GLIS1: variants seen among roughly 807,000 people sequenced by gnomAD.
The protein encoded by GLIS1 is GLIS family zinc finger 1, also known as zinc finger protein GLIS1.
Under a neutral mutation model 63.8 loss-of-function variants are expected in GLIS1, and 24 were observed. That is an observed-to-expected ratio of 0.38 (90% CI 0.27 to 0.53). The LOEUF (loss-of-function observed/expected upper bound fraction) is 0.53, where lower values mean the gene tolerates loss of function less well. Ranked by LOEUF, GLIS1 falls within the 20% of genes least tolerant of loss-of-function variation. The pLI is 0.85. For synonymous variants in GLIS1, 450 were observed against 482.5 expected, an observed-to-expected ratio of 0.93 and a Z score of 0.88; for missense variants, 1,036 against 1,074.1, an observed-to-expected ratio of 0.96 and a Z score of 0.50.
At chr1:53,588,961 A>G (rs1299218364) in intron 4 of GLIS1, among the ~76,000 whole-genome samples, 1 of 152,214 alleles carries the variant, frequency 6.6e-6, no homozygotes, top group Non-Finnish European at 1.5e-5. Flanking sequence ...CCCTCAGGAT[A>G]TCCCATGGGA....
At chr1:53,658,416 C>T (rs148268854) in intron 2 of GLIS1, among the ~76,000 whole-genome samples, 2 of 152,300 alleles carry the variant, frequency 1.3e-5, no homozygotes, top group East Asian at 3.9e-4. Flanking sequence ...AATGAAATAA[C>T]AAATGCATGA....
At chr1:53,724,911 GAGGA>G (rs1377604337) in intron 2 of GLIS1, among the ~76,000 whole-genome samples, 2 of 152,172 alleles carry the variant, frequency 1.3e-5, no homozygotes, top group African/African-American at 4.8e-5. Flanking sequence ...GAAAAAAAAT[GAGGA>G]GGAGAAAGAG....
intron 4 of GLIS1, among the ~76,000 whole-genome samples, chr1:53,575,065 T>C (rs1190771102): frequency 1.3e-5 from 2 of 152,176 alleles, no homozygotes; most frequent in African/African-American, 4.8e-5. Context: ...CAGCAGCCTA[T>C]ATAAATCTGG....
At chr1:53,661,981 C>G (rs1370144949) in intron 2 of GLIS1, among the ~76,000 whole-genome samples, 2 of 152,276 alleles carry the variant, frequency 1.3e-5, no homozygotes, top group Admixed American at 6.5e-5. Flanking sequence ...TAGATTGGGG[C>G]TGGGGTGACA....
At chr1:53,709,184 A>C (rs569984881) in intron 2 of GLIS1, among the ~76,000 whole-genome samples, 1 of 152,158 alleles carries the variant, frequency 6.6e-6, no homozygotes, top group East Asian at 1.9e-4. Flanking sequence ...TCAGAGACGG[A>C]AGGGACTTTA....
intron 2 of GLIS1, among the ~76,000 whole-genome samples, chr1:53,679,285 TTAAAA>T (rs2100422279): frequency 6.6e-6 from 1 of 152,250 alleles, no homozygotes; most frequent in East Asian, 1.9e-4. Context: ...GGGCCTGCAA[TTAAAA>T]TAAACCCCAA....
chr1:53,520,891 C>T (rs1355955249), intron 6 of GLIS1, 125 bp from the exon 7 acceptor site: 2 of 1,040,246 alleles, frequency 1.9e-6, no homozygotes, highest in Non-Finnish European at 2.7e-6. Context: ...TTCACTGTGC[C>T]TCAGTTCCCC....
chr1:53,533,013 C>A (rs567284896), intron 4 of GLIS1, among the ~76,000 whole-genome samples: 1 of 152,262 alleles, frequency 6.6e-6, no homozygotes, highest in Non-Finnish European at 1.5e-5. Context: ...ACGCTCCACG[C>A]GTGATCTGCA....
rs183518852 is a variant in GLIS1 at position 53,623,610 on chromosome 1, C to T, written c.260-23332G>A. ...AGCATAACTCTTTAACCTCAGATAA[C>T]ATGATTGTTTACATAAAAAGTCCTA... On this transcript the variant is annotated intron_variant, in intron 2 of 10. Transcript: ENST00000628545. Among the ~76,000 whole-genome samples, 180 of 152,218 alleles carry T rather than the reference C, an allele frequency of 1.2e-3. 3 individuals carry two copies. Among genetic ancestry groups the T allele is most frequent in the African/African-American group, 3.9e-3 (163 of 41,560 alleles).
chr1:53,531,632 T>C (rs1337472167), intron 4 of GLIS1, among the ~76,000 whole-genome samples: 1 of 152,032 alleles, frequency 6.6e-6, no homozygotes, highest in Non-Finnish European at 1.5e-5. Context: ...GCCCTCTAGG[T>C]GTAGAGAGCC....
chr1:53,660,808 G>A (rs1192054639), intron 2 of GLIS1, among the ~76,000 whole-genome samples: 1 of 152,208 alleles, frequency 6.6e-6, no homozygotes, highest in Non-Finnish European at 1.5e-5. Context: ...TCAGGGCTCA[G>A]CAGGGAGGAG....
At chr1:53,606,390 G>C (rs911911279) in intron 2 of GLIS1, among the ~76,000 whole-genome samples, 17 of 152,304 alleles carry the variant, frequency 1.1e-4, no homozygotes, top group African/African-American at 3.6e-4. Flanking sequence ...CCCCAGGAGT[G>C]CTCTGCTGGG....
intron 2 of GLIS1, among the ~76,000 whole-genome samples, chr1:53,724,110 G>A (rs1208362466): frequency 6.6e-6 from 1 of 152,202 alleles, no homozygotes; most frequent in African/African-American, 2.4e-5. Context: ...ATCTCCAACA[G>A]GAGGCAGGAC....
chr1:53,542,552 A>T (rs1303886858), intron 4 of GLIS1, among the ~76,000 whole-genome samples: 1 of 152,110 alleles, frequency 6.6e-6, no homozygotes, highest in Non-Finnish European at 1.5e-5. Flanking sequence ...CTCAGCAGTC[A>T]CCTCCCAAAT....
Position 53,679,422 on chromosome 1 carries a change from C to G in GLIS1, c.259+58384G>C, listed in dbSNP as rs563902364. ...AGTAGGAGGGAGACCAGATGTGAGGCTGAACGTCTGACCTGAAGCATCTGC... is the reference window on the plus strand; with the variant it reads ...AGTAGGAGGGAGACCAGATGTGAGGGTGAACGTCTGACCTGAAGCATCTGC... On this transcript the variant is annotated intron_variant, in intron 2 of 10. Transcript: ENST00000628545. Among the ~76,000 whole-genome samples, 16 of 152,314 alleles carry G rather than the reference C, an allele frequency of 1.1e-4. No homozygotes were observed. In the South Asian group the frequency reaches 3.1e-3, roughly 30 times the overall value.
intron 7 of GLIS1, 95 bp downstream of exon 7, chr1:53,520,539 G>T: frequency 7.3e-7 from 1 of 1,361,542 alleles, no homozygotes. Flanking sequence ...TCATGCCCAT[G>T]TGGGCGGCCC....
chr1:53,534,282 T>C (rs1305054698), intron 4 of GLIS1, among the ~76,000 whole-genome samples: 2 of 152,138 alleles, frequency 1.3e-5, no homozygotes, highest in East Asian at 3.9e-4. Flanking sequence ...TACCTTCAGG[T>C]AATGGCACCA....
At chr1:53,606,631 G>A (rs1215629091) in intron 2 of GLIS1, among the ~76,000 whole-genome samples, 1 of 152,254 alleles carries the variant, frequency 6.6e-6, no homozygotes, top group Non-Finnish European at 1.5e-5. Flanking sequence ...CCAGCAGGGA[G>A]ATGGGCTTCT....
intron 6 of GLIS1, among the ~76,000 whole-genome samples, chr1:53,524,449 C>T (rs903009391): frequency 6.6e-6 from 1 of 152,240 alleles, no homozygotes; most frequent in African/African-American, 2.4e-5. Flanking sequence ...TTCATTTCTG[C>T]ATCTTCCGTG....
Sources: gnomAD v4.1 joint callset for allele counts (sites outside exome capture counted in the v4.1 genomes callset) on GRCh38, gnomAD v4.1.1 for gene constraint, MANE v1.5 for transcripts, NCBI Gene and HGNC (gene_info 2026-07-23, HGNC 2026-07-21) for gene names.